Variants in FALEC observed in about 807,000 individuals in gnomAD.
FALEC encodes the protein focally amplified lncRNA regulator of ECM1, also known as focally amplified lncRNA on chromosome 1.
chr1:150,519,780 C>T (rs1396864729), downstream of FALEC, among the ~76,000 whole-genome samples: 7 of 151,966 alleles, frequency 4.6e-5, no homozygotes, highest in East Asian at 3.9e-4. Context: ...TCAGGAGAAT[C>T]GCTTGAACCT....
At chr1:150,529,035 A>AAAAAAAAAAAAAAAAAAAC in the FALEC span, among the ~76,000 whole-genome samples, 1 of 151,070 alleles carries the variant, frequency 6.6e-6, no homozygotes, top group Non-Finnish European at 1.5e-5. Context: ...AAAAAAAAAA[A>AAAAAAAAAAAAAAAAAAAC]AAAATCAAAG....
At chr1:150,529,026 A>AAAAAAAAAAAAAAAAAAC in the FALEC span, among the ~76,000 whole-genome samples, 2 of 150,630 alleles carry the variant, frequency 1.3e-5, no homozygotes, top group African/African-American at 2.4e-5. Context: ...CAAAAAAAAA[A>AAAAAAAAAAAAAAAAAAC]AAAAAAAAAA....
At chr1:150,523,761 T>C in the FALEC span, among the ~76,000 whole-genome samples, 1 of 152,106 alleles carries the variant, frequency 6.6e-6, no homozygotes, top group African/African-American at 2.4e-5. Flanking sequence ...TTCCAGGTCC[T>C]ACTCCCTGGA....
chr1:150,535,725 C>T, the FALEC span, among the ~76,000 whole-genome samples: 3 of 152,126 alleles, frequency 2.0e-5, no homozygotes, highest in Admixed American at 6.5e-5. Context: ...GCCAGGGAGC[C>T]GAGGCAGCCT....
At chr1:150,527,362 G>T in the FALEC span, among the ~76,000 whole-genome samples, 2 of 151,434 alleles carry the variant, frequency 1.3e-5, no homozygotes, top group African/African-American at 4.9e-5. Context: ...GGGTTCAAGC[G>T]AGTCTCCTGC....
At chr1:150,532,273 G>A in the FALEC span, among the ~76,000 whole-genome samples, 1 of 152,194 alleles carries the variant, frequency 6.6e-6, no homozygotes, top group Non-Finnish European at 1.5e-5. Context: ...AGCGCAGGGA[G>A]CAGAGGCTGG....
At chr1:150,533,673 G>C in the FALEC span, among the ~76,000 whole-genome samples, 2 of 151,986 alleles carry the variant, frequency 1.3e-5, no homozygotes, top group East Asian at 1.9e-4. Flanking sequence ...CTGACCTCAG[G>C]TGATCCACCA....
At chr1:150,522,971 ATATATATATATATTT>A (rs1670674838), downstream of FALEC, among the ~76,000 whole-genome samples, 1 of 31,580 alleles carries the variant, frequency 3.2e-5, no homozygotes, top group Non-Finnish European at 6.1e-5. Flanking sequence ...ATATATATAT[ATATATATATATATTT>A]TTTTTTTTTT....
chr1:150,519,057 A>G (rs965979932), downstream of FALEC, among the ~76,000 whole-genome samples: 12 of 152,178 alleles, frequency 7.9e-5, no homozygotes, highest in African/African-American at 2.9e-4. Flanking sequence ...ACTCTGTCTC[A>G]ACAAACAAAC....
At chr1:150,532,755 A>G in the FALEC span, among the ~76,000 whole-genome samples, 1 of 152,122 alleles carries the variant, frequency 6.6e-6, no homozygotes, top group African/African-American at 2.4e-5. Flanking sequence ...CGGTGAAGAC[A>G]AACAGTGACT....
chr1:150,525,986 T>C, the FALEC span, among the ~76,000 whole-genome samples: 1 of 152,222 alleles, frequency 6.6e-6, no homozygotes, highest in African/African-American at 2.4e-5. Context: ...GTGGTCTTTT[T>C]TGTTTGGTTT....
At chr1:150,528,760 C>T in the FALEC span, among the ~76,000 whole-genome samples, 1 of 151,450 alleles carries the variant, frequency 6.6e-6, no homozygotes, top group Non-Finnish European at 1.5e-5. Context: ...AATTTTCTTT[C>T]GTATTTTTAG....
downstream of FALEC, among the ~76,000 whole-genome samples, chr1:150,520,783 CTTTTTTTTTTTTTTTTTT>C (rs71086518): frequency 2.3e-5 from 1 of 42,818 alleles, no homozygotes; most frequent in South Asian, 1.1e-3. Context: ...CTTTTCTTTT[CTTTTTTTTTTTTTTTTTT>C]TTTTTTTTTG....
chr1:150,517,676 C>G (rs1374347768), intron 1 of FALEC: 1 of 152,268 alleles, frequency 6.6e-6, no homozygotes, highest in Non-Finnish European at 1.5e-5. Flanking sequence ...TCACCTGAGC[C>G]TGACCATGCT....
chr1:150,519,189 T>C (rs1670608423), downstream of FALEC, among the ~76,000 whole-genome samples: 1 of 152,190 alleles, frequency 6.6e-6, no homozygotes. Context: ...CCCACAGTGC[T>C]GCTTCCTGAT....
At chr1:150,520,783 C>CTTTTTTTTTT (rs71086518), downstream of FALEC, among the ~76,000 whole-genome samples, 1,029 of 42,828 alleles carry the variant, frequency 0.024, 40 homozygotes, top group Non-Finnish European at 0.031. Flanking sequence ...CTTTTCTTTT[C>CTTTTTTTTTT]TTTTTTTTTT....
the FALEC span, among the ~76,000 whole-genome samples, chr1:150,533,435 T>C: frequency 6.9e-6 from 1 of 144,266 alleles, no homozygotes. Flanking sequence ...CAGAGCTTTT[T>C]TTTTTTTTTT....
chr1:150,528,803 G>A, the FALEC span, among the ~76,000 whole-genome samples: 4 of 151,638 alleles, frequency 2.6e-5, no homozygotes, highest in African/African-American at 7.3e-5. Context: ...TAGCCAGGAT[G>A]GTCTCAATCT....
the FALEC span, among the ~76,000 whole-genome samples, chr1:150,530,745 C>G: frequency 6.6e-6 from 1 of 152,314 alleles, no homozygotes; most frequent in East Asian, 1.9e-4. Context: ...CCGCAACACC[C>G]GCGCCCTTCC....
Sources: allele counts gnomAD v4.1 joint callset (sites outside exome capture counted in the v4.1 genomes callset), GRCh38; gene constraint gnomAD v4.1.1; transcripts MANE v1.5; gene names NCBI Gene and HGNC (gene_info 2026-07-23, HGNC 2026-07-21).